Variants in MDGA2 observed in about 807,000 individuals in gnomAD.
The protein encoded by MDGA2 is MAM domain-containing glycosylphosphatidylinositol anchor protein 2.
In MDGA2, 40 loss-of-function variants were observed where a neutral mutation model predicts 117.8. The observed-to-expected ratio is 0.34, with a 90% CI of 0.26 to 0.44. MDGA2 has a LOEUF of 0.44. Ranked by LOEUF, MDGA2 falls within the 20% of genes least tolerant of loss-of-function variation. The pLI is 1.00. For missense variants in MDGA2, 1,123 were observed against 1,250.6 expected, an observed-to-expected ratio of 0.90 and a Z score of 1.54; for synonymous variants, 452 against 439.0, an observed-to-expected ratio of 1.03 and a Z score of -0.37.
chr14:47,457,351 C>T (rs897687527), intron 1 of MDGA2, among the ~76,000 whole-genome samples: 1 of 152,074 alleles, frequency 6.6e-6, no homozygotes, highest in African/African-American at 2.4e-5. Context: ...TTAAAAGGCA[C>T]ACTTTCTGCA....
chr14:47,233,189 A>T (rs113185024), intron 2 of MDGA2, among the ~76,000 whole-genome samples: 4 of 152,130 alleles, frequency 2.6e-5, no homozygotes, highest in African/African-American at 9.7e-5. Flanking sequence ...TAAAACCAAT[A>T]TCTGCAAAAA....
rs1192763202 is a variant in MDGA2 at position 47,000,319 on chromosome 14, G to GTA, written c.1819+34690_1819+34691dup. ...TTGCTTAGGTTCCAGACAGCTGTGAGTATATATATATATTTATATATATAT... is the reference window on the plus strand; with the variant it reads ...TTGCTTAGGTTCCAGACAGCTGTGAGTATATATATATATATTTATATATATAT... On this transcript the variant is annotated intron_variant, in intron 8 of 16. Coordinates refer to ENST00000399232, the MANE Select transcript of MDGA2 (RefSeq NM_001113498.3). Among the ~76,000 whole-genome samples the GTA allele has an allele frequency of 2.0e-3, 198 of 98,770 alleles. 1 individual carries two copies. The highest frequency in any genetic ancestry group is 6.3e-3 in the African/African-American group (185 of 29,312). The allele number at this position is 98,770 out of a possible 152,430, so 64.8% of individuals were successfully genotyped here.
chr14:47,045,888 C>G (rs1889243317), intron 7 of MDGA2, among the ~76,000 whole-genome samples: 1 of 151,612 alleles, frequency 6.6e-6, no homozygotes, highest in Non-Finnish European at 1.5e-5. Context: ...TCATTTGAAC[C>G]TGGGAGGCAG....
chr14:47,175,500 C>G (rs1338063493), intron 3 of MDGA2, among the ~76,000 whole-genome samples: 1 of 150,120 alleles, frequency 6.7e-6, no homozygotes, highest in Non-Finnish European at 1.5e-5. Context: ...TCAATATACG[C>G]AAATCAATAA....
chr14:47,100,805 ATAAT>A lies in MDGA2; in HGVS notation c.926-3686_926-3683del, dbSNP rs140294518. ...AATTATAGATTATTTTAAATGTTTT[ATAAT>A]TAGTGTCAAATTGTGGCTCCAATTA... On this transcript the variant is annotated intron_variant, in intron 5 of 16. Transcript: ENST00000399232. 2.4e-3 allele frequency among the ~76,000 whole-genome samples: 360 copies of A among 152,254 alleles called. 1 individual carries two copies. Among genetic ancestry groups the A allele is most frequent in the African/African-American group, 8.3e-3 (343 of 41,554 alleles).
At chr14:47,504,215 T>C (rs1203340671) in intron 1 of MDGA2, among the ~76,000 whole-genome samples, 1 of 152,188 alleles carries the variant, frequency 6.6e-6, no homozygotes, top group Non-Finnish European at 1.5e-5. Context: ...TATTGCCATA[T>C]TTTCATTCTA....
intron 1 of MDGA2, among the ~76,000 whole-genome samples, chr14:47,422,681 T>C (rs1463755962): frequency 6.6e-6 from 1 of 152,200 alleles, no homozygotes; most frequent in Non-Finnish European, 1.5e-5. Context: ...TTCGTAGGTA[T>C]CGACTGAGCT....
chr14:46,897,637 A>G (rs1225314407), intron 10 of MDGA2, among the ~76,000 whole-genome samples: 2 of 25,140 alleles, frequency 8.0e-5, no homozygotes, highest in African/African-American at 7.9e-5. Context: ...TAAAGCACTT[A>G]AAGATGTTTA....
chr14:47,510,910 C>T (rs930791248), intron 1 of MDGA2, among the ~76,000 whole-genome samples: 2 of 142,674 alleles, frequency 1.4e-5, no homozygotes, highest in Non-Finnish European at 3.1e-5. Context: ...GATCTCAGCT[C>T]AAATGTTTTT....
chr14:47,445,946 A>C (rs943009031), intron 1 of MDGA2, among the ~76,000 whole-genome samples: 3 of 152,262 alleles, frequency 2.0e-5, no homozygotes, highest in African/African-American at 7.2e-5. Flanking sequence ...AACAAAATAT[A>C]ATTTATTTCC....
At chr14:47,610,199 C>T (rs1357949167) in intron 1 of MDGA2, among the ~76,000 whole-genome samples, 1 of 152,066 alleles carries the variant, frequency 6.6e-6, no homozygotes, top group Non-Finnish European at 1.5e-5. Flanking sequence ...ATGACAAACT[C>T]ACTACCAACA....
intron 7 of MDGA2, among the ~76,000 whole-genome samples, chr14:47,055,019 T>TTC (rs1555347389): frequency 1.2e-4 from 17 of 143,182 alleles, no homozygotes; most frequent in African/African-American, 4.1e-4. Flanking sequence ...TTTTTTTTTT[T>TTC]CCAACAGATC....
chr14:47,615,563 GC>G (rs1484863583), intron 1 of MDGA2, among the ~76,000 whole-genome samples: 1 of 152,126 alleles, frequency 6.6e-6, no homozygotes, highest in Non-Finnish European at 1.5e-5. Context: ...AATATCCTAA[GC>G]CAGTTCTCAG....
intron 8 of MDGA2, among the ~76,000 whole-genome samples, chr14:46,978,145 A>C (rs1199039056): frequency 6.6e-6 from 1 of 151,992 alleles, no homozygotes; most frequent in Non-Finnish European, 1.5e-5. Context: ...CAAGAAAATA[A>C]AACTAAAATG....
rs1879989500 is a variant in MDGA2, at chr14:47,096,704, AATTACCCACCATT to A, written c.1195+137_1195+149del. On this transcript the variant is annotated intron_variant, in intron 6 of 16. Transcript: ENST00000399232. ...TTTAACCTGTTTAAGTTCCACTTAT[AATTACCCACCATT>A]ATTATTTATACATGATTTTATCTGT... is the stretch of plus-strand genomic sequence containing the variant. 54 of 796,940 alleles carry A rather than the reference AATTACCCACCATT, an allele frequency of 6.8e-5. No individual in the cohort carries two copies. The South Asian group carries it at 9.8e-4, about 15-fold the overall frequency. The allele number at this position is 796,940 out of a possible 1,614,324, so 49.4% of individuals were successfully genotyped here. A position where few individuals can be genotyped will look rare whatever the true frequency, so the allele number is the denominator to read the frequency against.
At chr14:47,077,825 G>T (rs150258395) in intron 6 of MDGA2, among the ~76,000 whole-genome samples, 2,416 of 152,038 alleles carry the variant, frequency 0.016, 29 homozygotes, top group Middle Eastern at 0.034. Context: ...AAAACGGACA[G>T]TTCTTGCAGA....
chr14:47,123,303 A>G (rs917244480), intron 5 of MDGA2, among the ~76,000 whole-genome samples: 5 of 152,038 alleles, frequency 3.3e-5, no homozygotes, highest in Admixed American at 3.3e-4. Context: ...CAACATGCAA[A>G]CTTCCTTTTA....
intron 1 of MDGA2, among the ~76,000 whole-genome samples, chr14:47,520,696 A>C (rs1894851422): frequency 6.6e-6 from 1 of 152,180 alleles, no homozygotes; most frequent in Non-Finnish European, 1.5e-5. Flanking sequence ...AAGAATCAAT[A>C]AGTGTTTTAA....
intron 8 of MDGA2, among the ~76,000 whole-genome samples, chr14:46,959,687 G>A (rs1885714829): frequency 6.6e-6 from 1 of 151,798 alleles, no homozygotes; most frequent in African/African-American, 2.4e-5. Flanking sequence ...CTTTTAGATG[G>A]ATGGATTACA....
Sources: gnomAD v4.1 joint callset for allele counts (sites outside exome capture counted in the v4.1 genomes callset) on GRCh38, gnomAD v4.1.1 for gene constraint, MANE v1.5 for transcripts, NCBI Gene and HGNC (gene_info 2026-07-23, HGNC 2026-07-21) for gene names.